The following FRAS1 variants were observed in gnomAD, a reference collection of about 807,000 sequenced individuals.
FRAS1 encodes extracellular matrix organizing protein FRAS1.
In FRAS1, 290 loss-of-function variants were observed where a neutral mutation model predicts 435.2. The ratio of observed to expected loss-of-function variants is 0.67; its 90% CI spans 0.61 to 0.73. The LOEUF is 0.73. Ranked by LOEUF, FRAS1 falls within the 30% of genes least tolerant of loss-of-function variation. FRAS1 has a pLI of 0.00. For missense variants in FRAS1, 4,860 were observed against 5,001.5 expected (o/e 0.97, Z 0.85); for synonymous variants, 1,800 against 1,851.0 (o/e 0.97, Z 0.71).
chr4:78,284,351 AG>A, intron 12 of FRAS1, 53 bp from the exon 13 acceptor site: 1 of 1,563,678 alleles, frequency 6.4e-7, no homozygotes. Flanking sequence ...AGGATGTAAG[AG>A]AAATAATAGA....
At chr4:78,502,026 G>C (rs1306476705) in intron 61 of FRAS1, among the ~76,000 whole-genome samples, 2 of 152,182 alleles carry the variant, frequency 1.3e-5, no homozygotes, top group Non-Finnish European at 2.9e-5. Flanking sequence ...TCAGATGGTT[G>C]TAAATGTGTG....
chr4:78,144,188 AAG>A (rs1175509759), intron 2 of FRAS1, among the ~76,000 whole-genome samples: 1 of 151,972 alleles, frequency 6.6e-6, no homozygotes, highest in African/African-American at 2.4e-5. Context: ...AGAAGAAAAA[AAG>A]AATGATAAAT....
intron 16 of FRAS1, among the ~76,000 whole-genome samples, chr4:78,316,246 A>C (rs1327269955): frequency 6.6e-6 from 1 of 152,134 alleles, no homozygotes; most frequent in Non-Finnish European, 1.5e-5. Flanking sequence ...AAACATACCC[A>C]TTTGAGACTT....
chr4:78,451,149 C>T (rs1273913197), intron 45 of FRAS1, among the ~76,000 whole-genome samples: 1 of 152,050 alleles, frequency 6.6e-6, no homozygotes, highest in Non-Finnish European at 1.5e-5. Flanking sequence ...AGACCAGCCC[C>T]CTCTTCCCAG....
intron 2 of FRAS1, among the ~76,000 whole-genome samples, chr4:78,133,956 TTTTTTTTTTG>T (rs1719803634): frequency 7.0e-6 from 1 of 142,022 alleles, no homozygotes; most frequent in South Asian, 2.2e-4. Context: ...GGACTAGGTT[TTTTTTTTTTG>T]TTTTTTTTTT....
intron 61 of FRAS1, 60 bp downstream of exon 61, chr4:78,499,981 A>G: frequency 2.3e-6 from 3 of 1,312,856 alleles, no homozygotes; most frequent in African/African-American, 1.5e-5. Flanking sequence ...AAAATCTTGT[A>G]TTTGAAGAAA....
intron 59 of FRAS1, among the ~76,000 whole-genome samples, chr4:78,491,668 T>C (rs1466753190): frequency 6.6e-6 from 1 of 152,156 alleles, no homozygotes; most frequent in Non-Finnish European, 1.5e-5. Flanking sequence ...TAACAAGAGC[T>C]ATTTATGACA....
intron 2 of FRAS1, among the ~76,000 whole-genome samples, chr4:78,211,585 C>G (rs931189061): frequency 9.9e-5 from 15 of 152,262 alleles, no homozygotes; most frequent in Admixed American, 9.8e-4. Context: ...CCTGGACTAC[C>G]CAGCATGGGC....
intron 4 of FRAS1, among the ~76,000 whole-genome samples, chr4:78,248,513 G>T (rs542584158): frequency 6.6e-6 from 1 of 152,234 alleles, no homozygotes; most frequent in Admixed American, 6.5e-5. Flanking sequence ...TGATTGAATG[G>T]GGAGTAGGAA....
intron 47 of FRAS1, among the ~76,000 whole-genome samples, chr4:78,459,728 T>C (rs1225946333): frequency 6.6e-6 from 1 of 152,084 alleles, no homozygotes; most frequent in Non-Finnish European, 1.5e-5. Context: ...GGCTGCAAGT[T>C]TGAGATCAAG....
intron 2 of FRAS1, chr4:78,182,125 C>T (rs1722041158): frequency 5.6e-6 from 6 of 1,080,174 alleles, no homozygotes; most frequent in South Asian, 1.8e-5. Context: ...CAGCTCTTCC[C>T]ACAAGATGGC....
chr4:78,102,551 G>A (rs1742185333), intron 2 of FRAS1, among the ~76,000 whole-genome samples: 1 of 152,110 alleles, frequency 6.6e-6, no homozygotes. Context: ...AGATGACCCT[G>A]GCGACCATCT....
chr4:78,335,118 G>T (rs1730120568), intron 19 of FRAS1, among the ~76,000 whole-genome samples: 1 of 152,090 alleles, frequency 6.6e-6, no homozygotes, highest in African/African-American at 2.4e-5. Context: ...GGACACTAGG[G>T]CGATCTTTTA....
intron 2 of FRAS1, among the ~76,000 whole-genome samples, chr4:78,152,680 A>G (rs1720718857): frequency 7.4e-6 from 1 of 135,826 alleles, no homozygotes; most frequent in African/African-American, 2.7e-5. Flanking sequence ...GCCCAGAGCT[A>G]ATAACTTGTA....
intron 14 of FRAS1, among the ~76,000 whole-genome samples, chr4:78,299,103 C>T (rs1191359374): frequency 1.3e-5 from 2 of 152,124 alleles, no homozygotes; most frequent in Admixed American, 6.5e-5. Context: ...GTGGGCTGGG[C>T]GAATCCTGTG....
chr4:78,533,413 A>C (rs1578378322), intron 70 of FRAS1, among the ~76,000 whole-genome samples: 1 of 152,228 alleles, frequency 6.6e-6, no homozygotes, highest in African/African-American at 2.4e-5. Context: ...GTCTGGCTAG[A>C]TCCCAGAAAT....
chr4:78,429,858 TA>T (rs919317391), intron 36 of FRAS1, among the ~76,000 whole-genome samples: 3 of 152,236 alleles, frequency 2.0e-5, no homozygotes, highest in Admixed American at 2.0e-4. Flanking sequence ...CCTGTCACTT[TA>T]ACCCTGCACC....
intron 2 of FRAS1, among the ~76,000 whole-genome samples, chr4:78,220,876 G>A (rs753354691): frequency 2.0e-5 from 3 of 151,868 alleles, no homozygotes; most frequent in South Asian, 4.1e-4. Context: ...AAATTAACAC[G>A]TTTATTAAAA....
intron 31 of FRAS1, among the ~76,000 whole-genome samples, chr4:78,408,488 GA>G (rs997985727): frequency 4.6e-4 from 69 of 151,204 alleles, no homozygotes; most frequent in African/African-American, 1.6e-3. Flanking sequence ...ACTATATGGA[GA>G]AAAAAAAATC....
Sources: gnomAD v4.1 joint callset for allele counts (sites outside exome capture counted in the v4.1 genomes callset) on GRCh38, gnomAD v4.1.1 for gene constraint, MANE v1.5 for transcripts, NCBI Gene and HGNC (gene_info 2026-07-23, HGNC 2026-07-21) for gene names.